The following TMED3 variants were observed in gnomAD, a reference collection of about 807,000 sequenced individuals.
TMED3 encodes transmembrane emp24 domain-containing protein 3.
Under a neutral mutation model 15.0 loss-of-function variants are expected in TMED3, and 9 were observed. That is an observed-to-expected ratio of 0.60 (90% CI 0.36 to 1.04). TMED3 has a LOEUF of 1.04. Ranked by LOEUF, TMED3 falls within the 50% of genes least tolerant of loss-of-function variation. The pLI is 0.01. For missense variants in TMED3, 267 were observed against 278.9 expected (o/e 0.96, Z 0.30); for synonymous variants, 117 against 121.4 (o/e 0.96, Z 0.24).
At chr15:79,341,618 G>A (rs1031228399) in intron 2 of TMED3, among the ~76,000 whole-genome samples, 4 of 152,108 alleles carry the variant, frequency 2.6e-5, no homozygotes, top group Non-Finnish European at 5.9e-5. Context: ...AGTAGGCTGC[G>A]GAACAGAAAA....
chr15:79,339,365 G>T (rs2058840926), intron 2 of TMED3, among the ~76,000 whole-genome samples: 1 of 152,122 alleles, frequency 6.6e-6, no homozygotes, highest in African/African-American at 2.4e-5. Flanking sequence ...GTGGTCCCCC[G>T]GGCCCAGGTG....
intron 2 of TMED3, among the ~76,000 whole-genome samples, chr15:79,359,778 A>C (rs1893088096): frequency 6.6e-6 from 1 of 152,180 alleles, no homozygotes; most frequent in Non-Finnish European, 1.5e-5. Context: ...CAAAAGGAAT[A>C]AGTGAGTAAA....
intron 2 of TMED3, among the ~76,000 whole-genome samples, chr15:79,358,783 C>T (rs1893066381): frequency 6.6e-6 from 1 of 152,194 alleles, no homozygotes; most frequent in Non-Finnish European, 1.5e-5. Flanking sequence ...ATGCAGCTTT[C>T]CCTGGGGTGA....
chr15:79,348,056 G>T (rs1239124963), intron 2 of TMED3, among the ~76,000 whole-genome samples: 1 of 152,120 alleles, frequency 6.6e-6, no homozygotes, highest in Non-Finnish European at 1.5e-5. Context: ...GATGATAAGA[G>T]CTCTATAATA....
At chr15:79,316,578 C>G (rs2058741252) in intron 2 of TMED3, among the ~76,000 whole-genome samples, 1 of 152,230 alleles carries the variant, frequency 6.6e-6, no homozygotes, top group Non-Finnish European at 1.5e-5. Context: ...TGGTTACAGA[C>G]TGAAGACCTC....
chr15:79,334,911 G>T (rs974739169), intron 2 of TMED3, among the ~76,000 whole-genome samples: 1 of 152,106 alleles, frequency 6.6e-6, no homozygotes, highest in Non-Finnish European at 1.5e-5. Flanking sequence ...ATGTGGAAGA[G>T]GAAACATCAT....
intron 2 of TMED3, among the ~76,000 whole-genome samples, chr15:79,352,082 G>C (rs966116138): frequency 8.6e-4 from 130 of 151,624 alleles, no homozygotes; most frequent in Non-Finnish European, 2.4e-4. Flanking sequence ...GAGTAGGAGG[G>C]GGGTGAGGGG....
At chr15:79,384,911 C>T (rs1270622267) in intron 2 of TMED3, among the ~76,000 whole-genome samples, 1 of 152,054 alleles carries the variant, frequency 6.6e-6, no homozygotes, top group African/African-American at 2.4e-5. Context: ...AGCTGCAGTC[C>T]GTGGCATTCA....
At chr15:79,399,260 G>A (rs1021270787) in intron 2 of TMED3, among the ~76,000 whole-genome samples, 37 of 152,148 alleles carry the variant, frequency 2.4e-4, no homozygotes, top group African/African-American at 8.9e-4. Flanking sequence ...CCAAAATAAC[G>A]TTTGACCAAA....
At chr15:79,344,513 C>T (rs548551422) in intron 2 of TMED3, among the ~76,000 whole-genome samples, 1 of 152,314 alleles carries the variant, frequency 6.6e-6, no homozygotes, top group African/African-American at 2.4e-5. Flanking sequence ...CCCCCAACTC[C>T]ATTTCACATG....
chr15:79,377,733 C>T (rs1246244097), intron 2 of TMED3, among the ~76,000 whole-genome samples: 4 of 151,638 alleles, frequency 2.6e-5, no homozygotes, highest in Admixed American at 6.6e-5. Context: ...CTGCAAGCTC[C>T]GCCTCCCGGG....
Position 79,311,297 on chromosome 15 carries a change from G to T in TMED3, c.48G>T (p.Leu16=). Residue 16 remains leucine, a synonymous_variant, in exon 1 of 3, where the codon CTG becomes CTT. Transcript: ENST00000299705. The stretch of plus-strand genomic sequence containing the variant: ...CCGCCTCCGTGCTGCTTCTGCTGCT[G>T]CTCCTGCGCCGGGCCGAGCAGCCCT... The part of the protein sequence containing the change: ...PRSASVLLLL[L]LLRRAEQPCG... 1 of 1,608,252 alleles carries T rather than the reference G, an allele frequency of 6.2e-7. No homozygotes were observed. Among genetic ancestry groups the T allele is most frequent in the African/African-American group, 1.3e-5 (1 of 74,854 alleles).
intron 2 of TMED3, among the ~76,000 whole-genome samples, chr15:79,330,381 A>G (rs1433150532): frequency 2.1e-5 from 3 of 146,318 alleles, no homozygotes; most frequent in Non-Finnish European, 4.6e-5. Flanking sequence ...ACATTTATAT[A>G]TACAAACTAC....
chr15:79,404,958 C>A (rs920869806), intron 2 of TMED3, among the ~76,000 whole-genome samples: 4 of 152,186 alleles, frequency 2.6e-5, no homozygotes, highest in Admixed American at 1.3e-4. Context: ...TGCCATAGGC[C>A]ACGGGTATAA....
chr15:79,358,609 G>A (rs371112926), intron 2 of TMED3, among the ~76,000 whole-genome samples: 68 of 152,312 alleles, frequency 4.5e-4, no homozygotes, highest in Middle Eastern at 6.8e-3. Context: ...GGCCCATCCC[G>A]AAGGAGATCA....
intron 2 of TMED3, among the ~76,000 whole-genome samples, chr15:79,365,575 G>C (rs1893216105): frequency 6.6e-6 from 1 of 152,220 alleles, no homozygotes; most frequent in Admixed American, 6.5e-5. Context: ...TCACATTACT[G>C]AATCCACGTG....
intron 2 of TMED3, among the ~76,000 whole-genome samples, chr15:79,345,923 A>G (rs2058869530): frequency 6.6e-6 from 1 of 152,070 alleles, no homozygotes; most frequent in Non-Finnish European, 1.5e-5. Flanking sequence ...TCTTTTTTAT[A>G]AGATTGTTGG....
At chr15:79,370,637 C>G (rs985768977) in intron 2 of TMED3, among the ~76,000 whole-genome samples, 1 of 152,130 alleles carries the variant, frequency 6.6e-6, no homozygotes, top group Non-Finnish European at 1.5e-5. Context: ...TGTCACATGT[C>G]TGTGTCTGAT....
chr15:79,365,682 G>T lies in TMED3; in HGVS notation c.418-45718G>T, dbSNP rs551038849. Among the ~76,000 whole-genome samples the T allele has an allele frequency of 3.5e-4, 54 of 152,342 alleles. 2 individuals are homozygous for T. The South Asian group carries it at 0.011, about 32-fold the overall frequency. On this transcript the variant is annotated intron_variant, in intron 2 of 2. Transcript: ENST00000424155. ...TTACGTAAGATAAGGTGAACGTAGA[G>T]TAGCTATCTGTGGAGATATTTAACC...
Sources: gnomAD v4.1 joint callset for allele counts (sites outside exome capture counted in the v4.1 genomes callset) on GRCh38, gnomAD v4.1.1 for gene constraint, MANE v1.5 for transcripts, NCBI Gene and HGNC (gene_info 2026-07-23, HGNC 2026-07-21) for gene names.